The following TLE1 variants were observed in gnomAD, a reference collection of about 807,000 sequenced individuals.
TLE1 encodes TLE family member 1, transcriptional corepressor, also known as transducin-like enhancer protein 1.
TLE1 carries 21 observed loss-of-function variants against 89.8 expected under a neutral mutation model. That is an observed-to-expected ratio of 0.23 (90% CI 0.17 to 0.34). The LOEUF is 0.34. Ranked by LOEUF, TLE1 falls within the 10% of genes least tolerant of loss-of-function variation. The pLI is 1.00. For missense variants in TLE1, 795 were observed against 1,031.2 expected (o/e 0.77, Z 3.14); for synonymous variants, 447 against 407.6 (o/e 1.10, Z -1.16).
intron 11 of TLE1, 141 bp downstream of exon 11, chr9:81,615,841 G>A (rs1056405387): frequency 2.1e-5 from 23 of 1,078,176 alleles, no homozygotes; most frequent in Non-Finnish European, 2.7e-5. Context: ...ACAAAGAACA[G>A]AAGGATGAGT....
intron 12 of TLE1, 132 bp from the exon 13 acceptor site, chr9:81,612,091 GA>G: frequency 2.8e-6 from 2 of 713,058 alleles, no homozygotes; most frequent in Non-Finnish European, 2.0e-6. Flanking sequence ...AGGGGAGGGG[GA>G]AAATCACCTC....
chr9:81,641,725 A>G (rs545243195), intron 6 of TLE1, among the ~76,000 whole-genome samples: 3 of 152,348 alleles, frequency 2.0e-5, no homozygotes, highest in East Asian at 3.9e-4. Flanking sequence ...CAGAGCCACA[A>G]TGAAATATCA....
At chr9:81,625,966 T>C (rs1053711551) in intron 8 of TLE1, among the ~76,000 whole-genome samples, 3 of 140,912 alleles carry the variant, frequency 2.1e-5, no homozygotes, top group Non-Finnish European at 4.5e-5. Context: ...CTGTCAATGC[T>C]ATCAAACACT....
intron 11 of TLE1, 102 bp from the exon 12 acceptor site, chr9:81,613,623 T>G: frequency 1.5e-6 from 2 of 1,342,966 alleles, no homozygotes; most frequent in Admixed American, 4.2e-5. Context: ...TTCTAGCTAC[T>G]CCCTCAGCCA....
At chr9:81,589,832 C>A (rs1297716109) in intron 16 of TLE1, among the ~76,000 whole-genome samples, 2 of 152,154 alleles carry the variant, frequency 1.3e-5, no homozygotes, top group African/African-American at 4.8e-5. Context: ...CTCCATCATT[C>A]CATTTTGCTC....
At chr9:81,623,366 C>T (rs1825520276) in intron 8 of TLE1, among the ~76,000 whole-genome samples, 1 of 152,078 alleles carries the variant, frequency 6.6e-6, no homozygotes, top group Non-Finnish European at 1.5e-5. Context: ...TCATTTTGAT[C>T]CTCCAAAATT....
chr9:81,595,700 T>C (rs1231704140), intron 14 of TLE1, among the ~76,000 whole-genome samples: 1 of 151,298 alleles, frequency 6.6e-6, no homozygotes, highest in East Asian at 1.9e-4. Context: ...GCGCTTGTAG[T>C]CCCAGCTACT....
intron 9 of TLE1, among the ~76,000 whole-genome samples, chr9:81,619,815 T>C (rs1825005120): frequency 6.6e-6 from 1 of 152,174 alleles, no homozygotes; most frequent in Admixed American, 6.5e-5. Context: ...ACAAGAGCCC[T>C]CACTCCATCA....
At position 81,684,003 on chromosome 9, in the gene TLE1, G is replaced by A. The variant is rs984983880; in HGVS notation, c.234+1673C>T. ...CCAATAAACCCAGCACCAGCATATA[G>A]CATCACACTGAGGTGGTGTTCCCTT... On this transcript the variant is annotated intron_variant, in intron 4 of 19. Coordinates refer to ENST00000376499, the MANE Select transcript of TLE1 (RefSeq NM_005077.5). Among the ~76,000 whole-genome samples, 26 of 152,116 alleles carry A rather than the reference G, an allele frequency of 1.7e-4. 1 individual carries two copies. The highest frequency in any genetic ancestry group is 1.6e-3 in the Admixed American group (25 of 15,284).
At chr9:81,687,514 C>T in intron 1 of TLE1, 80 bp from the exon 2 acceptor site, 2 of 1,058,804 alleles carry the variant, frequency 1.9e-6, no homozygotes, top group East Asian at 2.5e-5. Flanking sequence ...AAGGCAAGAA[C>T]GGGTGGGACA....
chr9:81,613,382 T>C lies in TLE1; in HGVS notation c.1058A>G (p.Gln353Arg). The C allele has an allele frequency of 6.2e-7, 1 of 1,613,868 alleles. No homozygotes were observed. The highest frequency in any genetic ancestry group is 8.5e-7 in the Non-Finnish European group (1 of 1,179,866). The change falls in exon 12 of 20, where the codon CAA (glutamine) becomes CGA (arginine). Residue 353 changes from glutamine to arginine, a missense_variant. Gln to Arg is a conservative substitution (Grantham distance 43). Coordinates refer to ENST00000376499, the MANE Select transcript of TLE1 (RefSeq NM_005077.5). ...KPPAIDPLVN[Q>R]AAAGLRTPLA... The stretch of plus-strand genomic sequence containing the variant: ...AACAAGAGGCGATGCTGTACCCGCT[T>C]GGTTAACGAGGGGGTCTATGGCTGG...
intron 4 of TLE1, 83 bp downstream of exon 4, chr9:81,685,593 G>A (rs1197502212): frequency 1.2e-5 from 17 of 1,409,346 alleles, no homozygotes; most frequent in Non-Finnish European, 1.5e-5. Flanking sequence ...CACCCCTAGA[G>A]CCCACTACTG....
At chr9:81,657,302 G>A (rs1045740033) in intron 4 of TLE1, among the ~76,000 whole-genome samples, 2 of 152,120 alleles carry the variant, frequency 1.3e-5, no homozygotes, top group African/African-American at 4.8e-5. Flanking sequence ...AAGTCTTTAT[G>A]TGGTCAAATG....
chr9:81,655,617 C>T lies in TLE1; in HGVS notation c.235-1581G>A, dbSNP rs575100769. On this transcript the variant is annotated intron_variant, in intron 4 of 19. Coordinates refer to ENST00000376499, the MANE Select transcript of TLE1 (RefSeq NM_005077.5). ...AAAAGTCATCTGTAAAGAGGCCCAT[C>T]CTTGACCTTACTTATTTCATCATTT... Among the ~76,000 whole-genome samples the T allele has an allele frequency of 2.0e-5, 3 of 152,180 alleles. No homozygotes were observed. In the East Asian group the frequency reaches 5.8e-4, roughly 29 times the overall value.
rs1828272311 is a variant in TLE1, at chr9:81,585,525, G to T, written c.2108C>A (p.Ser703Tyr). The change falls in exon 18 of 20, where the codon TCC (serine) becomes TAC (tyrosine). Residue 703 changes from serine (S) to tyrosine (Y), a missense_variant. Physicochemically the swap from Ser to Tyr is moderately radical, Grantham distance 144. Around this residue, in one of 4 missense-constraint regions of TLE1, gnomAD observed 214 missense variants for 354.9 expected, o/e 0.60. Coordinates refer to ENST00000376499, the MANE Select transcript of TLE1 (RefSeq NM_005077.5). ...CTCACCACAGTAAGCAAATTTCAGG[G>T]ACAGCACGCAGCTCTCATGCAGGTG... is the stretch of plus-strand genomic sequence containing the variant. ...QLHLHESCVL[S>Y]LKFAYCGKWF... 2 of 1,613,738 alleles carry T rather than the reference G, an allele frequency of 1.2e-6. No homozygotes were observed. The highest frequency in any genetic ancestry group is 1.7e-6 in the Non-Finnish European group (2 of 1,179,926).
chr9:81,588,389 C>T (rs1305993845), intron 16 of TLE1, among the ~76,000 whole-genome samples: 1 of 152,114 alleles, frequency 6.6e-6, no homozygotes, highest in Middle Eastern at 3.2e-3. Context: ...ACCTTGCTTT[C>T]TGTGTTAGAA....
At chr9:81,687,711 C>T (rs1034979759) in intron 1 of TLE1, among the ~76,000 whole-genome samples, 1 of 151,998 alleles carries the variant, frequency 6.6e-6, no homozygotes, top group African/African-American at 2.4e-5. Context: ...AGGGGGCTCC[C>T]CGGCGGCCAG....
intron 4 of TLE1, 151 bp from the exon 5 acceptor site, chr9:81,654,187 CTTGAAATA>C: frequency 1.5e-6 from 1 of 650,776 alleles, no homozygotes; most frequent in Non-Finnish European, 2.6e-6. Context: ...TAATACTTAT[CTTGAAATA>C]AACAGTAGAT....
At chr9:81,596,214 G>A (rs951132463) in intron 14 of TLE1, among the ~76,000 whole-genome samples, 2 of 152,114 alleles carry the variant, frequency 1.3e-5, no homozygotes, top group African/African-American at 4.8e-5. Context: ...GGAGGCCTGC[G>A]ATCATCATAT....
Sources: gnomAD v4.1 joint callset for allele counts (sites outside exome capture counted in the v4.1 genomes callset) on GRCh38, gnomAD v4.1.1 for gene constraint, gnomAD v4.1.1 regional missense constraint, MANE v1.5 for transcripts, NCBI Gene and HGNC (gene_info 2026-07-23, HGNC 2026-07-21) for gene names.